The following AGBL4 variants were observed in gnomAD, a reference collection of about 807,000 sequenced individuals.
The protein encoded by AGBL4 is AGBL carboxypeptidase 4, also known as cytosolic carboxypeptidase 6.
A neutral mutation model predicts 66.4 loss-of-function variants in AGBL4; 58 were observed. The observed-to-expected ratio is 0.87, with a 90% CI of 0.71 to 1.09. The LOEUF is 1.09. AGBL4 is among the 50% of genes least tolerant of loss of function. The pLI is 0.00. For synonymous variants in AGBL4, 234 were observed against 222.9 expected (o/e 1.05, Z -0.44); for missense variants, 579 against 631.0 (o/e 0.92, Z 0.88).
intron 6 of AGBL4, among the ~76,000 whole-genome samples, chr1:48,773,385 G>T (rs1644929893): frequency 6.6e-6 from 1 of 152,124 alleles, no homozygotes; most frequent in Admixed American, 6.6e-5. Context: ...AGAGAGAACA[G>T]AGGTCAAAGG....
chr1:48,629,618 T>C lies in AGBL4; in HGVS notation c.951+4875A>G, dbSNP rs756141844. 3.4e-4 allele frequency among the ~76,000 whole-genome samples: 51 copies of C among 152,064 alleles called. 2 individuals are homozygous for C. Among genetic ancestry groups the C allele is most frequent in the Admixed American group, 1.9e-3 (29 of 15,252 alleles). ...GATCTGAGTGAACCCTTGATGGCCA[T>C]AGAGAGCTAATTTCAGTGGGGGGTA... On this transcript the variant is annotated intron_variant, in intron 9 of 13. Coordinates refer to ENST00000371839, the MANE Select transcript of AGBL4 (RefSeq NM_032785.4).
intron 4 of AGBL4, among the ~76,000 whole-genome samples, chr1:49,173,126 A>C (rs994851377): frequency 6.6e-6 from 1 of 152,192 alleles, no homozygotes; most frequent in Non-Finnish European, 1.5e-5. Flanking sequence ...TCTCAAAAAA[A>C]AAAATAGTAC....
At chr1:49,452,997 T>C (rs930206923) in intron 3 of AGBL4, among the ~76,000 whole-genome samples, 3 of 151,858 alleles carry the variant, frequency 2.0e-5, no homozygotes, top group Admixed American at 1.3e-4. Flanking sequence ...CAGAAAAATA[T>C]AGTTTAAAAT....
intron 1 of AGBL4, among the ~76,000 whole-genome samples, chr1:49,941,209 A>G (rs940895541): frequency 5.9e-5 from 9 of 152,184 alleles, no homozygotes; most frequent in Non-Finnish European, 4.4e-5. Flanking sequence ...CCCGTCAAAG[A>G]AAAGTATAGA....
chr1:49,903,223 C>T (rs1419922694), intron 1 of AGBL4, among the ~76,000 whole-genome samples: 1 of 152,092 alleles, frequency 6.6e-6, no homozygotes, highest in Non-Finnish European at 1.5e-5. Context: ...GATCATTATC[C>T]TAAGCAAACT....
At chr1:48,547,263 A>G (rs1346276056) in intron 11 of AGBL4, among the ~76,000 whole-genome samples, 1 of 152,164 alleles carries the variant, frequency 6.6e-6, no homozygotes, top group Non-Finnish European at 1.5e-5. Context: ...GCAAGAGTGG[A>G]AGCAGGCAGA....
chr1:48,830,785 T>A (rs937086802), intron 6 of AGBL4, among the ~76,000 whole-genome samples: 34 of 152,218 alleles, frequency 2.2e-4, no homozygotes, highest in Admixed American at 5.2e-4. Context: ...AATATTTGGA[T>A]AATTGTATAA....
intron 4 of AGBL4, among the ~76,000 whole-genome samples, chr1:49,086,226 C>T (rs906692960): frequency 6.6e-6 from 1 of 152,120 alleles, no homozygotes; most frequent in Non-Finnish European, 1.5e-5. Context: ...CCTCTCATTG[C>T]CCTGAGAAAT....
At chr1:49,058,922 A>G (rs1050158666) in intron 4 of AGBL4, among the ~76,000 whole-genome samples, 2 of 152,232 alleles carry the variant, frequency 1.3e-5, no homozygotes, top group Admixed American at 6.5e-5. Flanking sequence ...CATATCTGGC[A>G]GAAGAAATTT....
chr1:49,975,709 C>T (rs967271365), intron 1 of AGBL4, among the ~76,000 whole-genome samples: 3 of 152,070 alleles, frequency 2.0e-5, no homozygotes, highest in Admixed American at 6.6e-5. Flanking sequence ...GATACTTAAC[C>T]CCTCTAAACC....
chr1:49,258,611 G>C (rs532048485), intron 3 of AGBL4, among the ~76,000 whole-genome samples: 3 of 152,058 alleles, frequency 2.0e-5, no homozygotes, highest in African/African-American at 4.8e-5. Flanking sequence ...AGAGAAAAAA[G>C]AATAAAAAGA....
intron 1 of AGBL4, among the ~76,000 whole-genome samples, chr1:49,948,027 A>ATATATATATATTT (rs1655491900): frequency 1.6e-4 from 12 of 75,852 alleles, no homozygotes; most frequent in South Asian, 3.6e-4. Context: ...AATATATATA[A>ATATATATATATTT]ATATATATAC....
intron 6 of AGBL4, among the ~76,000 whole-genome samples, chr1:48,824,744 C>T (rs942242065): frequency 6.6e-6 from 1 of 152,084 alleles, no homozygotes; most frequent in Non-Finnish European, 1.5e-5. Flanking sequence ...GGGAGCTTGG[C>T]CTGGAGAAGA....
intron 6 of AGBL4, among the ~76,000 whole-genome samples, chr1:48,724,103 C>T (rs4926528): frequency 0.11 from 16,689 of 152,172 alleles, 1,193 homozygotes; most frequent in East Asian, 0.24. Context: ...GAGGAGCACA[C>T]TTCAGTAAGG....
intron 2 of AGBL4, among the ~76,000 whole-genome samples, chr1:49,726,042 T>G (rs2124699583): frequency 6.6e-6 from 1 of 152,130 alleles, no homozygotes; most frequent in African/African-American, 2.4e-5. Flanking sequence ...TGGTGGGGGT[T>G]GAGGGAGAGA....
chr1:49,896,280 T>C (rs951846748), intron 1 of AGBL4, among the ~76,000 whole-genome samples: 37 of 152,050 alleles, frequency 2.4e-4, no homozygotes, highest in African/African-American at 8.2e-4. Context: ...AATAAAATAA[T>C]AGCTGGAGAC....
At chr1:48,999,520 A>G (rs1661245425) in intron 5 of AGBL4, among the ~76,000 whole-genome samples, 1 of 152,190 alleles carries the variant, frequency 6.6e-6, no homozygotes, top group Non-Finnish European at 1.5e-5. Context: ...AGCACTGCAA[A>G]CATCCAGAAG....
chr1:49,946,006 A>G (rs1257911330), intron 1 of AGBL4, among the ~76,000 whole-genome samples: 1 of 152,064 alleles, frequency 6.6e-6, no homozygotes, highest in Non-Finnish European at 1.5e-5. Context: ...ACAGGAAAAT[A>G]TCACAATCCT....
At chr1:49,493,937 G>A (rs1647296100) in intron 3 of AGBL4, among the ~76,000 whole-genome samples, 1 of 151,902 alleles carries the variant, frequency 6.6e-6, no homozygotes, top group South Asian at 2.1e-4. Context: ...AAAGGTGTGG[G>A]AGTAACAACA....
Sources: allele counts gnomAD v4.1 joint callset (sites outside exome capture counted in the v4.1 genomes callset), GRCh38; gene constraint gnomAD v4.1.1; transcripts MANE v1.5; gene names NCBI Gene and HGNC (gene_info 2026-07-23, HGNC 2026-07-21).